NOTCH2NLC: variants seen among roughly 807,000 people sequenced by gnomAD.
NOTCH2NLC encodes notch homolog 2 N-terminal-like protein C.
Under a neutral mutation model 17.7 loss-of-function variants are expected in NOTCH2NLC, and 4 were observed. That is an observed-to-expected ratio of 0.23 (90% CI 0.11 to 0.52). NOTCH2NLC has a LOEUF of 0.52. Among genes scored for constraint, NOTCH2NLC ranks in the 20% least tolerant of loss-of-function variants. The pLI is 0.96. For missense variants in NOTCH2NLC, 57 were observed against 207.2 expected, an observed-to-expected ratio of 0.28 and a Z score of 4.45; for synonymous variants, 18 against 86.0, an observed-to-expected ratio of 0.21 and a Z score of 4.38.
At chr1:149,393,383 T>G (rs1335719336) in intron 1 of NOTCH2NLC, among the ~76,000 whole-genome samples, 1 of 151,102 alleles carries the variant, frequency 6.6e-6, no homozygotes, top group Non-Finnish European at 1.5e-5. Flanking sequence ...GAGTCTACAG[T>G]GAAGGCTTCT....
At chr1:149,413,762 T>G (rs1452422556) in intron 1 of NOTCH2NLC, among the ~76,000 whole-genome samples, 2 of 151,114 alleles carry the variant, frequency 1.3e-5, no homozygotes, top group African/African-American at 4.9e-5. Context: ...ATTAGGTGGG[T>G]GATTTTGGTT....
chr1:149,423,449 T>G (rs1207354538), intron 1 of NOTCH2NLC, among the ~76,000 whole-genome samples: 1 of 150,822 alleles, frequency 6.6e-6, no homozygotes, highest in Non-Finnish European at 1.5e-5. Context: ...CAGGGCGCTA[T>G]GAGAATTATT....
In NOTCH2NLC at chr1:149,466,208, T is replaced by C. The variant is rs2101516968; in HGVS notation, c.*2055T>C. The C allele has an allele frequency of 7.2e-6, 1 of 139,232 alleles. No individual in the cohort carries two copies. The highest frequency in any genetic ancestry group is 2.1e-4 in the East Asian group (1 of 4,694). The allele number at this position is 139,232 out of a possible 1,614,324, so 8.6% of individuals were successfully genotyped here. On this transcript the variant is annotated 3_prime_UTR_variant, in exon 5 of 5. Transcript: ENST00000650865. Reference sequence around the variant, plus strand: ...TCATGTTATAAGAAAACCAAGACACTCCTAATTATAATCAAATAGTACTTG... The same window carrying C: ...TCATGTTATAAGAAAACCAAGACACCCCTAATTATAATCAAATAGTACTTG...
In NOTCH2NLC at chr1:149,469,040, C is replaced by A. The variant is rs2084702330; in HGVS notation, c.*4887C>A. ...AGTGCAATGGTGCTATCTCGGCTCA[C>A]TGCAACCTCCACCTCCCGGGTTCAA... On this transcript the variant is annotated 3_prime_UTR_variant, in exon 5 of 5. Transcript: ENST00000650865. Among the ~76,000 whole-genome samples, 1 of 121,572 alleles carries A rather than the reference C, an allele frequency of 8.2e-6. No homozygotes were observed. The highest frequency in any genetic ancestry group is 8.6e-5 in the Admixed American group (1 of 11,632). The allele number at this position is 121,572 out of a possible 152,430, so 79.8% of individuals were successfully genotyped here.
In NOTCH2NLC at chr1:149,454,809, C is replaced by T. The variant is rs1446051462; in HGVS notation, c.210-509C>T. 7.4e-5 allele frequency among the ~76,000 whole-genome samples: 11 copies of T among 149,528 alleles called. 1 individual carries two copies. The highest frequency in any genetic ancestry group is 1.3e-4 in the Non-Finnish European group (9 of 67,302). The stretch of plus-strand genomic sequence containing the variant: ...TAAGAGAAAGAAGCACTTACTATTT[C>T]TCAATGCTTAATTGAGGAAAAGCAC... On this transcript the variant is annotated intron_variant, in intron 2 of 4. Transcript: ENST00000650865.
At chr1:149,393,748 C>CTT (rs1325133856) in intron 1 of NOTCH2NLC, among the ~76,000 whole-genome samples, 1 of 129,596 alleles carries the variant, frequency 7.7e-6, no homozygotes, top group Non-Finnish European at 1.6e-5. Flanking sequence ...CTTATTATTC[C>CTT]TTTTTTTTTT....
At chr1:149,426,989 C>G (rs1266943233) in intron 1 of NOTCH2NLC, among the ~76,000 whole-genome samples, 1 of 149,124 alleles carries the variant, frequency 6.7e-6, no homozygotes, top group Non-Finnish European at 1.5e-5. Context: ...AGCCACGAGT[C>G]TCAAGATTAT....
chr1:149,433,236 A>C (rs1483766512), intron 2 of NOTCH2NLC, among the ~76,000 whole-genome samples: 1 of 139,950 alleles, frequency 7.1e-6, no homozygotes, highest in African/African-American at 2.7e-5. Context: ...CAATGAGAAC[A>C]CATGGACACA....
chr1:149,462,833 ATTTTTTT>A (rs878889477), intron 3 of NOTCH2NLC, among the ~76,000 whole-genome samples: 3 of 117,092 alleles, frequency 2.6e-5, no homozygotes, highest in Admixed American at 9.2e-5. Context: ...CGGGAAGTTG[ATTTTTTT>A]TTTTTTTTTT....
rs1165499442 is a variant in NOTCH2NLC, at chr1:149,464,764, CAAA to C, written c.*613_*615del. The stretch of plus-strand genomic sequence containing the variant: ...TATACAAATATCCTTAGTACAAAAA[CAAA>C]AGAAGGAAAACTGTAGGGGGGAGTA... On this transcript the variant is annotated 3_prime_UTR_variant, in exon 5 of 5. Transcript: ENST00000650865. The C allele has an allele frequency of 0.031, 4,718 of 151,228 alleles. 400 individuals are homozygous for C. Among genetic ancestry groups the C allele is most frequent in the East Asian group, 0.24 (1,232 of 5,046 alleles). 9.4% of individuals were successfully genotyped at this position (151,228 alleles called of 1,614,324 possible). A position where few individuals can be genotyped will look rare whatever the true frequency, so the allele number is the denominator to read the frequency against.
chr1:149,402,148 C>T lies in NOTCH2NLC; in HGVS notation c.135+11226C>T, dbSNP rs1339991073. Among the ~76,000 whole-genome samples, 11 of 150,284 alleles carry T rather than the reference C, an allele frequency of 7.3e-5. 1 individual carries two copies. Among genetic ancestry groups the T allele is most frequent in the Admixed American group, 2.0e-4 (3 of 15,072 alleles). On this transcript the variant is annotated intron_variant, in intron 1 of 4. Transcript: ENST00000650865. ...AGGCTGGAGTGCAATGGCGCAATCTCGGCTCACCGCAACCTCCACCTCCCG... is the reference window on the plus strand; with the variant it reads ...AGGCTGGAGTGCAATGGCGCAATCTTGGCTCACCGCAACCTCCACCTCCCG...
Position 149,395,112 on chromosome 1 carries a change from CT to C in NOTCH2NLC, c.135+4192del, listed in dbSNP as rs1249090137. Among the ~76,000 whole-genome samples, 5 of 150,784 alleles carry C rather than the reference CT, an allele frequency of 3.3e-5. 1 individual carries two copies. The East Asian group carries it at 9.8e-4, about 30-fold the overall frequency. ...TGCTTCCATCTCATGTACAAATGCG[CT>C]TATGTGCACAAAAACTCTTATAACA... On this transcript the variant is annotated intron_variant, in intron 1 of 4. Transcript: ENST00000650865.
At chr1:149,393,652 C>T (rs1344032198) in intron 1 of NOTCH2NLC, among the ~76,000 whole-genome samples, 2 of 146,034 alleles carry the variant, frequency 1.4e-5, no homozygotes, top group Non-Finnish European at 3.0e-5. Context: ...AATTTCTCAG[C>T]TGAATTCTTC....
intron 3 of NOTCH2NLC, among the ~76,000 whole-genome samples, chr1:149,460,615 GTGTGAGC>G (rs2084638773): frequency 6.7e-6 from 1 of 149,852 alleles, no homozygotes; most frequent in Non-Finnish European, 1.5e-5. Flanking sequence ...GGGATTACAG[GTGTGAGC>G]CACCACACCC....
Position 149,448,746 on chromosome 1 carries a change from G to A in NOTCH2NLC, c.210-6572G>A, listed in dbSNP as rs1345513654. 2.0e-3 allele frequency among the ~76,000 whole-genome samples: 294 copies of A among 148,346 alleles called. 6 individuals are homozygous for A. The highest frequency in any genetic ancestry group is 6.7e-3 in the African/African-American group (271 of 40,510). ...TGTGTTAAGCCTTTTTCCATTTTGA[G>A]CCTCACTTTTTAAAGAGGTTTTTGA... On this transcript the variant is annotated intron_variant, in intron 2 of 4. Coordinates refer to ENST00000650865, the MANE Select transcript of NOTCH2NLC (RefSeq NM_001364013.2).
rs2084229465 is a variant in NOTCH2NLC at position 149,399,194 on chromosome 1, A to G, written c.135+8272A>G. Among the ~76,000 whole-genome samples, 2 of 151,300 alleles carry G rather than the reference A, an allele frequency of 1.3e-5. 1 individual carries two copies. Among genetic ancestry groups the G allele is most frequent in the Non-Finnish European group, 3.0e-5 (2 of 67,718 alleles). On this transcript the variant is annotated intron_variant, in intron 1 of 4. Transcript: ENST00000650865. ...CCTTGTTCTGAGGCAGGCATGTTTT[A>G]AAATTGTTGTTTGCTTCTTTTTCAT...
chr1:149,433,778 C>G (rs2084466805), intron 2 of NOTCH2NLC, among the ~76,000 whole-genome samples: 1 of 149,954 alleles, frequency 6.7e-6, no homozygotes, highest in Admixed American at 6.7e-5. Flanking sequence ...GAAATCCCAT[C>G]TCTACTAAAA....
chr1:149,393,692 C>G (rs1415780655), intron 1 of NOTCH2NLC, among the ~76,000 whole-genome samples: 3 of 144,034 alleles, frequency 2.1e-5, no homozygotes, highest in African/African-American at 7.8e-5. Context: ...AATTTTCTTT[C>G]AGATGGTGAT....
chr1:149,440,147 A>G (rs1304318378), intron 2 of NOTCH2NLC, among the ~76,000 whole-genome samples: 1 of 150,588 alleles, frequency 6.6e-6, no homozygotes, highest in Admixed American at 6.6e-5. Flanking sequence ...AAATCTGTAT[A>G]GATTCAGGTC....
Sources: gnomAD v4.1 joint callset for allele counts (sites outside exome capture counted in the v4.1 genomes callset) on GRCh38, gnomAD v4.1.1 for gene constraint, MANE v1.5 for transcripts, NCBI Gene and HGNC (gene_info 2026-07-23, HGNC 2026-07-21) for gene names.